IRAG1: variants seen among roughly 807,000 people sequenced by gnomAD.
The protein encoded by IRAG1 is IP3R-associated cGMP kinase substrate.
Under a neutral mutation model 106.2 loss-of-function variants are expected in IRAG1, and 62 were observed. That is an observed-to-expected ratio of 0.58 (90% confidence interval 0.48 to 0.72). The LOEUF is 0.72. Ranked by LOEUF, IRAG1 falls within the 30% of genes least tolerant of loss-of-function variation. The pLI, the probability that IRAG1 is intolerant of heterozygous loss-of-function variation, is 0.00. For missense variants in IRAG1, 1,064 were observed against 1,140.7 expected, an observed-to-expected ratio of 0.93 and a Z score of 0.97; for synonymous variants, 462 against 443.9, an observed-to-expected ratio of 1.04 and a Z score of -0.51.
chr11:10,603,097 G>A (rs190290919), intron 14 of IRAG1, 23 bp downstream of exon 14: 43 of 1,602,856 alleles, frequency 2.7e-5, no homozygotes, highest in Non-Finnish European at 3.5e-5. Flanking sequence ...GAGTTGGCAA[G>A]ACCGGGGGCT....
intron 1 of IRAG1, among the ~76,000 whole-genome samples, chr11:10,663,636 A>G (rs944822554): frequency 2.6e-5 from 4 of 152,200 alleles, no homozygotes; most frequent in African/African-American, 7.2e-5. Context: ...GGCTATCCCA[A>G]TCTGCCAAGC....
chr11:10,609,898 T>A, intron 10 of IRAG1, 47 bp from the exon 11 acceptor site: 1 of 1,596,400 alleles, frequency 6.3e-7, no homozygotes, highest in South Asian at 1.1e-5. Context: ...GAAATCACAG[T>A]AGTACTGTTG....
rs538587114 is a variant in IRAG1, at chr11:10,575,069, A to T, written c.*1263T>A. The T allele has an allele frequency of 6.6e-6, 1 of 152,352 alleles. No individual in the cohort carries two copies. The highest frequency in any genetic ancestry group is 1.5e-5 in the Non-Finnish European group (1 of 68,034). The allele number at this position is 152,352 out of a possible 1,614,324, so 9.4% of individuals were successfully genotyped here. A position where few individuals can be genotyped will look rare whatever the true frequency, so the allele number is the denominator to read the frequency against. On this transcript the variant is annotated 3_prime_UTR_variant, in exon 21 of 21. Coordinates refer to ENST00000423302, the MANE Select transcript of IRAG1 (RefSeq NM_130385.4). ...TGAAAGCAAACAATATCAATAACAA[A>T]ACAAAAATGCAAAACAATGACAACA...
rs1416622204 is a variant in IRAG1 at position 10,628,348 on chromosome 11, C to A, written c.653-323G>T. Among the ~76,000 whole-genome samples the A allele has an allele frequency of 6.6e-6, 1 of 152,204 alleles. No homozygotes were observed. The highest frequency in any genetic ancestry group is 1.9e-4 in the East Asian group (1 of 5,190). On this transcript the variant is annotated intron_variant, in intron 6 of 20. Coordinates refer to ENST00000423302, the MANE Select transcript of IRAG1 (RefSeq NM_130385.4). This position sits in a 1 kb window ranked among gnomAD's most constrained non-coding sequence, Gnocchi z 4.1. ...GCCGGTTGCCCTTCCTGGCACCCTC[C>A]CCCTTTCCTTGTTGGCTGGAGGGTG...
intron 1 of IRAG1, among the ~76,000 whole-genome samples, chr11:10,684,602 TATAATAATAATAATA>T (rs72177457): frequency 9.2e-4 from 128 of 138,952 alleles, no homozygotes; most frequent in South Asian, 4.9e-3. Context: ...AAACTTAAAG[TATAATAATAATAATA>T]ATAATAATAA....
chr11:10,583,940 T>G (rs1289911207), intron 18 of IRAG1, among the ~76,000 whole-genome samples: 1 of 151,630 alleles, frequency 6.6e-6, no homozygotes, highest in Non-Finnish European at 1.5e-5. Context: ...GGAAGGTCTG[T>G]GGAGAGAGGA....
chr11:10,653,275 A>G (rs1353581580), intron 1 of IRAG1, among the ~76,000 whole-genome samples: 1 of 152,206 alleles, frequency 6.6e-6, no homozygotes, highest in East Asian at 1.9e-4. Context: ...GAGAAACAGA[A>G]CTGGAGCCCT....
In IRAG1 at chr11:10,600,505, AATC is replaced by A. The variant is rs573108570; in HGVS notation, c.2017+410_2017+412del. On this transcript the variant is annotated intron_variant, in intron 15 of 20. Transcript: ENST00000423302. ...ATGATCAAGTCATTTTCTTGATTAA[AATC>A]ATTGGCTGGATCCCTAATGCTTTCC... Among the ~76,000 whole-genome samples, 21 of 152,382 alleles carry A rather than the reference AATC, an allele frequency of 1.4e-4. No homozygotes were observed. In the East Asian group the frequency reaches 3.9e-3, roughly 28 times the overall value.
intron 1 of IRAG1, among the ~76,000 whole-genome samples, chr11:10,691,141 CTA>C (rs61149003): frequency 0.034 from 5,144 of 152,282 alleles, 318 homozygotes; most frequent in African/African-American, 0.12. Context: ...TAGGGTCAAA[CTA>C]GATGAATCTG....
At chr11:10,617,902 T>C (rs11042897) in intron 10 of IRAG1, among the ~76,000 whole-genome samples, 66,739 of 151,764 alleles carry the variant, frequency 0.44, 14,981 homozygotes, top group East Asian at 0.69. Flanking sequence ...TCCCTGTCTC[T>C]AGCCTCTGCT....
intron 15 of IRAG1, among the ~76,000 whole-genome samples, chr11:10,600,324 T>C (rs1853848608): frequency 6.6e-6 from 1 of 152,180 alleles, no homozygotes; most frequent in Non-Finnish European, 1.5e-5. Flanking sequence ...CCGTAACATC[T>C]CCTTCAGCCA....
At chr11:10,677,295 A>G (rs138321411) in intron 1 of IRAG1, among the ~76,000 whole-genome samples, 285 of 152,340 alleles carry the variant, frequency 1.9e-3, no homozygotes, top group African/African-American at 6.6e-3. Flanking sequence ...CCCCAGACTG[A>G]GTCAATGTCT....
At chr11:10,646,392 A>G (rs983126238) in intron 2 of IRAG1, among the ~76,000 whole-genome samples, 4 of 151,732 alleles carry the variant, frequency 2.6e-5, no homozygotes, top group Non-Finnish European at 4.4e-5. Flanking sequence ...CCCTCCCTCC[A>G]TTTCTTCTGC....
Position 10,631,968 on chromosome 11 carries a change from C to A in IRAG1, c.400+23G>T, listed in dbSNP as rs763898456. The A allele has an allele frequency of 4.2e-5, 68 of 1,608,202 alleles. 1 individual carries two copies. The East Asian group carries it at 1.2e-3, about 28-fold the overall frequency. ...CAGACCTGTCTTTCTACTCAACATG[C>A]CTTAGATTGCCCTGGTCCTTACCCA... On this transcript the variant is annotated intron_variant, in intron 4 of 20. Coordinates refer to ENST00000423302, the MANE Select transcript of IRAG1 (RefSeq NM_130385.4).
At chr11:10,678,177 T>G (rs1439428960) in intron 1 of IRAG1, among the ~76,000 whole-genome samples, 1 of 152,218 alleles carries the variant, frequency 6.6e-6, no homozygotes, top group Non-Finnish European at 1.5e-5. Flanking sequence ...TCAATTCTTT[T>G]GCATATAGAC....
Position 10,652,120 on chromosome 11 carries a change from G to T in IRAG1, c.130C>A (p.Arg44Ser), listed in dbSNP as rs538930976. 2 of 1,611,732 alleles carry T rather than the reference G, an allele frequency of 1.2e-6. No homozygotes were observed. Among genetic ancestry groups the T allele is most frequent in the African/African-American group, 1.3e-5 (1 of 75,018 alleles). The change falls in exon 2 of 21, where the codon CGT (arginine) becomes AGT (serine). Residue 44 changes from arginine to serine, a missense_variant. Coordinates refer to ENST00000423302, the MANE Select transcript of IRAG1 (RefSeq NM_130385.4). The stretch of plus-strand genomic sequence containing the variant: ...GCAGCCTCCTGCTGGGAGTGGCCAC[G>T]TGTGCCCGGAACCTCCGCTGCGTCA... The part of the protein sequence containing the change: ...GADAAEVPGT[R>S]GHSQQEAAMP...
At chr11:10,580,643 T>C (rs1851293784) in intron 19 of IRAG1, 54 bp from the exon 20 acceptor site, 2 of 1,590,182 alleles carry the variant, frequency 1.3e-6, no homozygotes, top group Non-Finnish European at 1.7e-6. Flanking sequence ...CAGTGCATCC[T>C]TTCCTGAGTT....
intron 10 of IRAG1, among the ~76,000 whole-genome samples, chr11:10,621,684 C>A (rs1037373017): frequency 1.3e-5 from 2 of 152,184 alleles, no homozygotes; most frequent in East Asian, 3.8e-4. Context: ...GAGCAAGAAT[C>A]CCTGCCCCTC....
rs558475429 is a variant in IRAG1, at chr11:10,657,722, A to G, written c.68-5540T>C. On this transcript the variant is annotated intron_variant, in intron 1 of 20. Transcript: ENST00000423302. The surrounding 1 kb of genome is among the most constrained non-coding windows in gnomAD (Gnocchi z 4.1). ...ATACCACGGGTCTATCTCTAGATGGACAACTGATGGGGGGAATTGTTGGGG... is the reference window on the plus strand; with the variant it reads ...ATACCACGGGTCTATCTCTAGATGGGCAACTGATGGGGGGAATTGTTGGGG... Among the ~76,000 whole-genome samples the G allele has an allele frequency of 3.3e-5, 5 of 152,314 alleles. No individual in the cohort carries two copies. The South Asian group carries it at 1.0e-3, about 32-fold the overall frequency.
Sources: allele counts gnomAD v4.1 joint callset (sites outside exome capture counted in the v4.1 genomes callset), GRCh38; gene constraint gnomAD v4.1.1; non-coding constraint Gnocchi (gnomAD v3.1); transcripts MANE v1.5; gene names NCBI Gene and HGNC (gene_info 2026-07-23, HGNC 2026-07-21).